The following CHCHD3 variants were observed in gnomAD, a reference collection of about 807,000 sequenced individuals.
CHCHD3 encodes coiled-coil-helix-coiled-coil-helix domain containing 3.
CHCHD3 carries 20 observed loss-of-function variants against 38.2 expected under a neutral mutation model. That is an observed-to-expected ratio of 0.52 (90% confidence interval 0.37 to 0.76). CHCHD3 has a LOEUF of 0.76. CHCHD3 is among the 30% of genes least tolerant of loss of function. The pLI, the probability that CHCHD3 is intolerant of heterozygous loss-of-function variation, is 0.00. For missense variants in CHCHD3, 245 were observed against 279.2 expected (o/e 0.88, Z 0.87); for synonymous variants, 82 against 100.0 (o/e 0.82, Z 1.07).
intron 4 of CHCHD3, among the ~76,000 whole-genome samples, chr7:132,911,531 A>G (rs1228124761): frequency 6.6e-6 from 1 of 152,232 alleles, no homozygotes; most frequent in Non-Finnish European, 1.5e-5. Context: ...TCCTTCCATA[A>G]AAGTCCTGTG....
intron 4 of CHCHD3, among the ~76,000 whole-genome samples, chr7:132,927,507 C>CT (rs1245923436): frequency 1.3e-5 from 2 of 152,168 alleles, no homozygotes; most frequent in Non-Finnish European, 2.9e-5. Context: ...TCGCCCAGGC[C>CT]TTTTATAATA....
At chr7:132,865,045 G>A (rs1808584425) in intron 5 of CHCHD3, among the ~76,000 whole-genome samples, 1 of 152,130 alleles carries the variant, frequency 6.6e-6, no homozygotes, top group South Asian at 2.1e-4. Context: ...CAGATAAGGA[G>A]GATTATGGTA....
chr7:132,879,371 A>C (rs1203557504), intron 5 of CHCHD3, among the ~76,000 whole-genome samples: 1 of 152,190 alleles, frequency 6.6e-6, no homozygotes, highest in East Asian at 1.9e-4. Flanking sequence ...TCCTCAAGCC[A>C]AGAGGGCTTC....
intron 1 of CHCHD3, among the ~76,000 whole-genome samples, chr7:133,070,614 G>T (rs1019337588): frequency 2.6e-5 from 4 of 151,982 alleles, no homozygotes; most frequent in African/African-American, 9.7e-5. Context: ...TAGTCCCGAA[G>T]GAAAGTGTTC....
intron 2 of CHCHD3, among the ~76,000 whole-genome samples, chr7:133,051,564 C>T (rs1336311328): frequency 2.0e-5 from 3 of 152,088 alleles, no homozygotes; most frequent in Admixed American, 2.0e-4. Context: ...TTTGTTTAAA[C>T]GTATACTCTT....
At chr7:132,973,786 C>A in intron 4 of CHCHD3, 1 of 1,087,386 alleles carries the variant, frequency 9.2e-7, no homozygotes. Context: ...TAGAAATGAG[C>A]CTTCTTCTTA....
chr7:132,929,805 T>A (rs1485644239), intron 4 of CHCHD3, among the ~76,000 whole-genome samples: 1 of 152,144 alleles, frequency 6.6e-6, no homozygotes, highest in Non-Finnish European at 1.5e-5. Flanking sequence ...CTTTCCTTTA[T>A]GGTAAAGGGG....
At chr7:133,028,824 G>A (rs895915555) in intron 2 of CHCHD3, among the ~76,000 whole-genome samples, 3 of 151,358 alleles carry the variant, frequency 2.0e-5, no homozygotes, top group Admixed American at 6.6e-5. Context: ...GGCGGAGGTT[G>A]CAGTGAGCCA....
chr7:132,986,411 GAAAAAGAAAAAAGAA>G (rs1812123231), intron 3 of CHCHD3, among the ~76,000 whole-genome samples: 1 of 77,692 alleles, frequency 1.3e-5, no homozygotes, highest in African/African-American at 4.9e-5. Flanking sequence ...AAAAGAAAAA[GAAAAAGAAAAAAGAA>G]AAAAAAAAAA....
intron 3 of CHCHD3, among the ~76,000 whole-genome samples, chr7:132,996,805 T>A (rs1460714296): frequency 6.6e-6 from 1 of 152,092 alleles, no homozygotes; most frequent in Non-Finnish European, 1.5e-5. Context: ...GAGCAGCCTT[T>A]CAAGAAGAAA....
At chr7:132,984,166 G>A (rs1812006573) in intron 3 of CHCHD3, among the ~76,000 whole-genome samples, 1 of 151,640 alleles carries the variant, frequency 6.6e-6, no homozygotes, top group African/African-American at 2.4e-5. Context: ...CTCCCTGCCT[G>A]ATTCTCCTGC....
chr7:133,069,245 A>T (rs2117536742), intron 2 of CHCHD3, among the ~76,000 whole-genome samples: 1 of 123,114 alleles, frequency 8.1e-6, no homozygotes, highest in Non-Finnish European at 1.6e-5. Flanking sequence ...TCATCTTGGT[A>T]CCCTTTCCTC....
At chr7:132,965,143 T>C (rs1811428284) in intron 4 of CHCHD3, among the ~76,000 whole-genome samples, 1 of 151,976 alleles carries the variant, frequency 6.6e-6, no homozygotes, top group South Asian at 2.1e-4. Context: ...TTTCTACTCT[T>C]AGCTGCAGTA....
intron 3 of CHCHD3, among the ~76,000 whole-genome samples, chr7:132,980,735 T>C (rs28592843): frequency 1.1e-3 from 166 of 152,276 alleles, no homozygotes; most frequent in African/African-American, 3.8e-3. Context: ...TAATAAATAT[T>C]ATTACATGTC....
At chr7:132,981,071 T>C (rs1460993840) in intron 3 of CHCHD3, among the ~76,000 whole-genome samples, 1 of 152,082 alleles carries the variant, frequency 6.6e-6, no homozygotes, top group African/African-American at 2.4e-5. Context: ...CTGCAACCTC[T>C]GCCTCCCAGG....
chr7:132,840,298 A>G (rs888536109), intron 5 of CHCHD3, among the ~76,000 whole-genome samples: 2 of 152,214 alleles, frequency 1.3e-5, no homozygotes, highest in Non-Finnish European at 2.9e-5. Flanking sequence ...GTTACTAATC[A>G]CTAACAATAG....
chr7:133,028,224 C>T (rs577321809), intron 2 of CHCHD3, among the ~76,000 whole-genome samples: 6 of 152,272 alleles, frequency 3.9e-5, no homozygotes, highest in African/African-American at 1.4e-4. Flanking sequence ...CTTCAAGTTA[C>T]AACAGCAAGA....
At chr7:132,814,426 A>C (rs1807148785) in intron 6 of CHCHD3, among the ~76,000 whole-genome samples, 1 of 152,208 alleles carries the variant, frequency 6.6e-6, no homozygotes, top group South Asian at 2.1e-4. Context: ...TGAAAGTGCT[A>C]ATGATGATTT....
chr7:132,966,439 C>A lies in CHCHD3; in HGVS notation c.369+8730G>T, dbSNP rs1404739395. ...GCATAACTCAGTGCCATTTAGGAAT[C>A]ATATCAAAGCAATAAAAGCACGGAT... On this transcript the variant is annotated intron_variant, in intron 4 of 7. Transcript: ENST00000262570. 5.3e-5 allele frequency among the ~76,000 whole-genome samples: 8 copies of A among 152,122 alleles called. No homozygotes were observed. The East Asian group carries it at 1.5e-3, about 29-fold the overall frequency.
Sources: allele counts gnomAD v4.1 joint callset (sites outside exome capture counted in the v4.1 genomes callset), GRCh38; gene constraint gnomAD v4.1.1; transcripts MANE v1.5; gene names NCBI Gene and HGNC (gene_info 2026-07-23, HGNC 2026-07-21).